CDKAL1: variants seen among roughly 807,000 people sequenced by gnomAD.
The protein encoded by CDKAL1 is threonylcarbamoyladenosine tRNA methylthiotransferase.
Under a neutral mutation model 68.2 loss-of-function variants are expected in CDKAL1, and 32 were observed. The ratio of observed to expected loss-of-function variants is 0.47; its 90% CI spans 0.35 to 0.63. The LOEUF is 0.63. Among genes scored for constraint, CDKAL1 ranks in the 30% least tolerant of loss-of-function variants. The pLI is 0.00. For missense variants in CDKAL1, 606 were observed against 696.7 expected (o/e 0.87, Z 1.47); for synonymous variants, 234 against 244.3 (o/e 0.96, Z 0.39).
intron 8 of CDKAL1, among the ~76,000 whole-genome samples, chr6:20,845,042 T>C (rs772639252): frequency 1.3e-5 from 2 of 152,266 alleles, no homozygotes; most frequent in Non-Finnish European, 2.9e-5. Flanking sequence ...GCGAAAATTC[T>C]CAGAAATTAA....
chr6:20,764,477 A>C (rs774308282), intron 7 of CDKAL1, among the ~76,000 whole-genome samples: 40 of 152,180 alleles, frequency 2.6e-4, no homozygotes, highest in Non-Finnish European at 4.7e-4. Flanking sequence ...GACTGACCTA[A>C]ATTCCCAGAG....
intron 8 of CDKAL1, among the ~76,000 whole-genome samples, chr6:20,801,975 A>T (rs565397047): frequency 2.0e-5 from 3 of 152,296 alleles, no homozygotes; most frequent in Non-Finnish European, 4.4e-5. Flanking sequence ...TTTTAACCAC[A>T]TGCAATATTT....
intron 4 of CDKAL1, among the ~76,000 whole-genome samples, chr6:20,575,161 A>G (rs1764857830): frequency 6.6e-6 from 1 of 152,242 alleles, no homozygotes; most frequent in South Asian, 2.1e-4. Context: ...AATGGCTGTT[A>G]AGATTGGAGT....
chr6:20,831,928 C>T (rs775413276), intron 8 of CDKAL1, among the ~76,000 whole-genome samples: 1 of 152,124 alleles, frequency 6.6e-6, no homozygotes, highest in Non-Finnish European at 1.5e-5. Flanking sequence ...AATGATTGCT[C>T]TCAATCGGTC....
chr6:20,821,539 A>G (rs996714950), intron 8 of CDKAL1, among the ~76,000 whole-genome samples: 2 of 152,102 alleles, frequency 1.3e-5, no homozygotes, highest in African/African-American at 4.8e-5. Flanking sequence ...TTGCTTATAT[A>G]TTAGGTTTAT....
intron 9 of CDKAL1, among the ~76,000 whole-genome samples, chr6:20,894,615 G>A (rs1761581340): frequency 6.6e-6 from 1 of 152,132 alleles, no homozygotes; most frequent in Non-Finnish European, 1.5e-5. Context: ...TTCACTTCAT[G>A]TTGAGTGTTA....
intron 8 of CDKAL1, among the ~76,000 whole-genome samples, chr6:20,823,067 T>TTCTCTCTC (rs781051311): frequency 1.3e-5 from 2 of 151,932 alleles, no homozygotes; most frequent in Non-Finnish European, 2.9e-5. Flanking sequence ...CATTCTCGTT[T>TTCTCTCTC]TCTCTCTCTC....
intron 9 of CDKAL1, among the ~76,000 whole-genome samples, chr6:20,946,986 T>C (rs539461853): frequency 1.3e-5 from 2 of 152,342 alleles, no homozygotes; most frequent in Admixed American, 1.3e-4. Context: ...TAGTTTATTG[T>C]CTGTTTCACT....
intron 8 of CDKAL1, among the ~76,000 whole-genome samples, chr6:20,811,012 A>G (rs547181344): frequency 1.8e-4 from 28 of 152,270 alleles, no homozygotes; most frequent in African/African-American, 5.8e-4. Flanking sequence ...TACTATTTTT[A>G]TTTAGATTCA....
chr6:20,581,275 T>A (rs957266883), intron 4 of CDKAL1, among the ~76,000 whole-genome samples: 1 of 152,140 alleles, frequency 6.6e-6, no homozygotes, highest in African/African-American at 2.4e-5. Context: ...CTGACTGTGT[T>A]TTTTGGTAAG....
At chr6:20,901,728 A>G (rs1399650354) in intron 9 of CDKAL1, among the ~76,000 whole-genome samples, 1 of 147,986 alleles carries the variant, frequency 6.8e-6, no homozygotes, top group African/African-American at 2.5e-5. Flanking sequence ...TTTTTCCAGC[A>G]ACTCAGAAAC....
intron 9 of CDKAL1, among the ~76,000 whole-genome samples, chr6:20,931,006 A>G (rs549983466): frequency 2.0e-5 from 3 of 149,860 alleles, no homozygotes; most frequent in East Asian, 2.0e-4. Context: ...GCCTCCCAAA[A>G]TGCTGGGATT....
Position 20,689,053 on chromosome 6 carries a change from T to G in CDKAL1, c.371+39676T>G, listed in dbSNP as rs143897579. The stretch of plus-strand genomic sequence containing the variant: ...TGGGCATTTGTTTTCACCCAGGTCA[T>G]TTAGGCTCTGGTGACACCCCAGCAG... On this transcript the variant is annotated intron_variant, in intron 5 of 15. Coordinates refer to ENST00000274695, the MANE Select transcript of CDKAL1 (RefSeq NM_017774.3). 3.5e-3 allele frequency among the ~76,000 whole-genome samples: 527 copies of G among 152,332 alleles called. 7 individuals are homozygous for G. Among genetic ancestry groups the G allele is most frequent in the African/African-American group, 0.012 (498 of 41,582 alleles).
chr6:20,743,001 G>T (rs1226800379), intron 6 of CDKAL1, among the ~76,000 whole-genome samples: 1 of 152,004 alleles, frequency 6.6e-6, no homozygotes, highest in African/African-American at 2.4e-5. Context: ...GAATAGAACT[G>T]TTGTATAGAA....
At chr6:20,688,133 C>T (rs1265941974) in intron 5 of CDKAL1, among the ~76,000 whole-genome samples, 3 of 151,992 alleles carry the variant, frequency 2.0e-5, no homozygotes, top group African/African-American at 4.8e-5. Context: ...CCCCCTCACC[C>T]CCCACCTCTG....
intron 11 of CDKAL1, among the ~76,000 whole-genome samples, chr6:21,055,744 AC>A (rs1462498919): frequency 6.6e-6 from 1 of 152,150 alleles, no homozygotes; most frequent in East Asian, 1.9e-4. Context: ...GTGTATATGT[AC>A]CACATTTTCT....
At chr6:21,119,739 T>G (rs949013052) in intron 13 of CDKAL1, among the ~76,000 whole-genome samples, 9 of 152,330 alleles carry the variant, frequency 5.9e-5, no homozygotes, top group Non-Finnish European at 1.3e-4. Context: ...GGTTCTTGCT[T>G]TTTTTCCTCT....
intron 9 of CDKAL1, among the ~76,000 whole-genome samples, chr6:20,876,954 A>G (rs1172092350): frequency 1.3e-5 from 2 of 152,254 alleles, no homozygotes; most frequent in African/African-American, 2.4e-5. Context: ...AATGCTAACT[A>G]GAACCAGCTA....
chr6:21,038,865 T>C (rs969802148), intron 11 of CDKAL1, among the ~76,000 whole-genome samples: 5 of 152,206 alleles, frequency 3.3e-5, no homozygotes, highest in African/African-American at 9.6e-5. Flanking sequence ...ATTTTTACTT[T>C]TCTCATCTAT....
Sources: allele counts gnomAD v4.1 joint callset (sites outside exome capture counted in the v4.1 genomes callset), GRCh38; gene constraint gnomAD v4.1.1; transcripts MANE v1.5; gene names NCBI Gene and HGNC (gene_info 2026-07-23, HGNC 2026-07-21).